Variants in SLC7A5 observed in about 807,000 individuals in gnomAD.
The protein encoded by SLC7A5 is solute carrier family 7 member 5.
A neutral mutation model predicts 50.2 loss-of-function variants in SLC7A5; 23 were observed. The observed-to-expected ratio is 0.46, with a 90% CI of 0.33 to 0.65. The LOEUF (loss-of-function observed/expected upper bound fraction) is 0.65. Among genes scored for constraint, SLC7A5 ranks in the 30% least tolerant of loss-of-function variants. SLC7A5 has a pLI of 0.02. For synonymous variants in SLC7A5, 393 were observed against 330.6 expected, an observed-to-expected ratio of 1.19 and a Z score of -2.05; for missense variants, 578 against 684.4, an observed-to-expected ratio of 0.84 and a Z score of 1.73.
At chr16:87,842,482 C>A (rs1894805334) in intron 2 of SLC7A5, among the ~76,000 whole-genome samples, 1 of 152,238 alleles carries the variant, frequency 6.6e-6, no homozygotes, top group Admixed American at 6.5e-5. Context: ...AAAGTGCGCA[C>A]TTCAAAGGTG....
intron 1 of SLC7A5, among the ~76,000 whole-genome samples, chr16:87,867,571 A>G (rs1310820129): frequency 1.6e-5 from 2 of 127,110 alleles, no homozygotes; most frequent in Admixed American, 8.1e-5. Context: ...CCTCCCCCCC[A>G]AAGTACGGTG....
chr16:87,848,166 A>G (rs972675374), intron 2 of SLC7A5, among the ~76,000 whole-genome samples: 1 of 152,248 alleles, frequency 6.6e-6, no homozygotes, highest in Non-Finnish European at 1.5e-5. Context: ...CTGACCTCCA[A>G]CAGTACAATG....
rs2054943072 is a variant in SLC7A5 at position 87,832,178 on chromosome 16, C to T, written c.*792G>A. On this transcript the variant is annotated 3_prime_UTR_variant, in exon 10 of 10. Transcript: ENST00000261622. The surrounding 1 kb of genome is among the most constrained non-coding windows in gnomAD (Gnocchi z 4.6). Reference sequence around the variant, plus strand: ...AAGGACAGGGCTTTGTCTGCATGAACCAGAACTCAGCCTCCAAAACTGGAC... The same window carrying T: ...AAGGACAGGGCTTTGTCTGCATGAATCAGAACTCAGCCTCCAAAACTGGAC... 6.6e-6 allele frequency: 1 copy of T among 152,262 alleles called. No individual in the cohort carries two copies. The highest frequency in any genetic ancestry group is 2.4e-5 in the African/African-American group (1 of 41,450). The allele number at this position is 152,262 out of a possible 1,614,324, so 9.4% of individuals were successfully genotyped here.
intron 1 of SLC7A5, among the ~76,000 whole-genome samples, chr16:87,865,595 T>C (rs2055450040): frequency 6.6e-6 from 1 of 152,076 alleles, no homozygotes; most frequent in Non-Finnish European, 1.5e-5. Context: ...TAGTCCCAGC[T>C]ACTCGGGAGG....
intron 8 of SLC7A5, among the ~76,000 whole-genome samples, chr16:87,835,763 C>T (rs186229237): frequency 5.9e-4 from 90 of 152,262 alleles, no homozygotes; most frequent in South Asian, 5.6e-3. Context: ...CGTGAGCCAC[C>T]GCGCCCAGCC....
At chr16:87,855,718 G>C (rs2055308899) in intron 1 of SLC7A5, among the ~76,000 whole-genome samples, 1 of 151,842 alleles carries the variant, frequency 6.6e-6, no homozygotes. Flanking sequence ...TCCAGTGTTG[G>C]AGGAGAGGGG....
Position 87,841,276 on chromosome 16 carries a change from T to C in SLC7A5, c.665-121A>G, listed in dbSNP as rs2055080279. ...AACAAAAATGCTGGAGTGAAGGCTT[T>C]TCACTGTGACAAATGGTATGTACCT... On this transcript the variant is annotated intron_variant, in intron 2 of 9. Coordinates refer to ENST00000261622, the MANE Select transcript of SLC7A5 (RefSeq NM_003486.7). The surrounding 1 kb of genome is among the most constrained non-coding windows in gnomAD (Gnocchi z 4.8). 2 of 714,248 alleles carry C rather than the reference T, an allele frequency of 2.8e-6. No homozygotes were observed. Among genetic ancestry groups the C allele is most frequent in the Admixed American group, 4.0e-5 (2 of 49,604 alleles). The allele number at this position is 714,248 out of a possible 1,614,324, so 44.2% of individuals were successfully genotyped here. A position where few individuals can be genotyped will look rare whatever the true frequency, so the allele number is the denominator to read the frequency against.
At chr16:87,835,735 A>T (rs548936674) in intron 8 of SLC7A5, among the ~76,000 whole-genome samples, 84 of 152,092 alleles carry the variant, frequency 5.5e-4, no homozygotes, top group Non-Finnish European at 1.1e-3. Flanking sequence ...CGGCCTCCCA[A>T]AGTGCTGGGA....
chr16:87,834,645 C>G (rs2054974997), intron 8 of SLC7A5, 54 bp from the exon 9 acceptor site: 1 of 1,548,182 alleles, frequency 6.5e-7, no homozygotes, highest in South Asian at 1.2e-5. Context: ...CCTCCCTCCC[C>G]CATGCCCCGA....
In SLC7A5 at chr16:87,831,060, C is replaced by T. The variant is rs143140219; in HGVS notation, c.*1910G>A. ...ATGTCCACTGCCTCCTGGATTCACA[C>T]AGCAATGCACCAGGCAGGTGGGGCA... On this transcript the variant is annotated 3_prime_UTR_variant, in exon 10 of 10. Coordinates refer to ENST00000261622, the MANE Select transcript of SLC7A5 (RefSeq NM_003486.7). 3.8e-3 allele frequency: 575 copies of T among 152,336 alleles called. 12 individuals carry two copies. Among genetic ancestry groups the T allele is most frequent in the East Asian group, 1.5e-3 (8 of 5,172 alleles). 9.4% of individuals were successfully genotyped at this position (152,336 alleles called of 1,614,324 possible). A position where few individuals can be genotyped will look rare whatever the true frequency, so the allele number is the denominator to read the frequency against.
rs1296236689 is a variant in SLC7A5, at chr16:87,860,065, G to A, written c.539-8216C>T. Among the ~76,000 whole-genome samples the A allele has an allele frequency of 6.6e-6, 1 of 152,006 alleles. No homozygotes were observed. Among genetic ancestry groups the A allele is most frequent in the Non-Finnish European group, 1.5e-5 (1 of 68,018 alleles). Reference sequence around the variant, plus strand: ...AGAAAATCTTTTGCCAGGCACGGTGGCTCACACCTGTAATCCCAGCACTTT... The same window carrying A: ...AGAAAATCTTTTGCCAGGCACGGTGACTCACACCTGTAATCCCAGCACTTT... On this transcript the variant is annotated intron_variant, in intron 1 of 9. Transcript: ENST00000261622. The surrounding 1 kb of genome is among the most constrained non-coding windows in gnomAD (Gnocchi z 4.8).
chr16:87,861,134 C>T lies in SLC7A5; in HGVS notation c.538+7751G>A, dbSNP rs1274481798. Among the ~76,000 whole-genome samples the T allele has an allele frequency of 6.6e-6, 1 of 152,208 alleles. No homozygotes were observed. The highest frequency in any genetic ancestry group is 1.5e-5 in the Non-Finnish European group (1 of 68,026). On this transcript the variant is annotated intron_variant, in intron 1 of 9. Transcript: ENST00000261622. The surrounding 1 kb of genome is among the most constrained non-coding windows in gnomAD (Gnocchi z 4.2). The stretch of plus-strand genomic sequence containing the variant: ...CATACACGTGTCCTGTCCCTGCAGA[C>T]GGGCCAGGCAAGGCCTGCCCATGGC...
chr16:87,857,199 G>A (rs2055332563), intron 1 of SLC7A5, among the ~76,000 whole-genome samples: 1 of 151,934 alleles, frequency 6.6e-6, no homozygotes, highest in African/African-American at 2.4e-5. Flanking sequence ...GCAGTTCCGG[G>A]GCAGGGAAGC....
Position 87,841,082 on chromosome 16 carries a change from T to A in SLC7A5, c.738A>T (p.Ala246=), listed in dbSNP as rs144403160. The change falls in exon 3 of 10, where the codon GCA becomes GCT. Residue 246 remains alanine (A), a synonymous_variant. Transcript: ENST00000261622. The surrounding 1 kb of genome is among the most constrained non-coding windows in gnomAD (Gnocchi z 4.8). ...TKLDVGNIVL[A]LYSGLFAYGG... is the part of the protein sequence containing the mutation. Reference sequence around the variant, plus strand: ...CATAGGCAAAGAGGCCGCTGTATAATGCCAGCACAATGTTCCCCACATCCA... The same window carrying A: ...CATAGGCAAAGAGGCCGCTGTATAAAGCCAGCACAATGTTCCCCACATCCA... 1.9e-6 allele frequency: 3 copies of A among 1,613,738 alleles called. No individual in the cohort carries two copies. The highest frequency in any genetic ancestry group is 2.5e-6 in the Non-Finnish European group (3 of 1,179,884).
chr16:87,863,986 A>ATATATATATATATATATATATATAT (rs2055429223), intron 1 of SLC7A5, among the ~76,000 whole-genome samples: 4 of 83,280 alleles, frequency 4.8e-5, no homozygotes, highest in Non-Finnish European at 1.0e-4. Context: ...ATCATTTAAA[A>ATATATATATATATATATATATATAT]ATATATATAT....
In SLC7A5 at chr16:87,833,089, G is replaced by T; in HGVS notation, c.1469-64C>A. 4 of 1,413,556 alleles carry T rather than the reference G, an allele frequency of 2.8e-6. No individual in the cohort carries two copies. Among genetic ancestry groups the T allele is most frequent in the Non-Finnish European group, 4.0e-6 (4 of 998,394 alleles). 87.6% of individuals were successfully genotyped at this position (1,413,556 alleles called of 1,614,324 possible). A position where few individuals can be genotyped will look rare whatever the true frequency, so the allele number is the denominator to read the frequency against. On this transcript the variant is annotated intron_variant, in intron 9 of 9. Transcript: ENST00000261622. This position sits in a 1 kb window ranked among gnomAD's most constrained non-coding sequence, Gnocchi z 6.0. ...GGGTAGGCACCCGTGGGACACGGGG[G>T]CGTGAGCTGGGGCTCCCCCAGCCCT... is the stretch of plus-strand genomic sequence containing the variant.
At position 87,841,986 on chromosome 16, in the gene SLC7A5, G is replaced by A. The variant is rs1288564555; in HGVS notation, c.665-831C>T. Among the ~76,000 whole-genome samples the A allele has an allele frequency of 1.3e-5, 2 of 152,228 alleles. No individual in the cohort carries two copies. Among genetic ancestry groups the A allele is most frequent in the Non-Finnish European group, 2.9e-5 (2 of 68,040 alleles). On this transcript the variant is annotated intron_variant, in intron 2 of 9. Coordinates refer to ENST00000261622, the MANE Select transcript of SLC7A5 (RefSeq NM_003486.7). The surrounding 1 kb of genome is among the most constrained non-coding windows in gnomAD (Gnocchi z 4.8). ...GTCACGTGGCTGCTGGGACAGCACT[G>A]GCCCTTTCTGTGGCTGTTGCCTCCT...
chr16:87,838,688 C>T lies in SLC7A5; in HGVS notation c.1043+26G>A, dbSNP rs987497335. The stretch of plus-strand genomic sequence containing the variant: ...GGCCATGAGGCCTGGGCCTCCCTCA[C>T]CTGTGGTGGGTCGGGCTGTGCTCAC... On this transcript the variant is annotated intron_variant, in intron 6 of 9. Transcript: ENST00000261622. The T allele has an allele frequency of 3.8e-6, 6 of 1,572,720 alleles. No individual in the cohort carries two copies. The African/African-American group carries it at 6.8e-5, about 18-fold the overall frequency.
intron 1 of SLC7A5, among the ~76,000 whole-genome samples, chr16:87,858,860 C>G: frequency 6.6e-6 from 1 of 152,242 alleles, no homozygotes; most frequent in South Asian, 2.1e-4. Flanking sequence ...CAGGAGGATG[C>G]AGCTGTTCCA....
Sources: gnomAD v4.1 joint callset for allele counts (sites outside exome capture counted in the v4.1 genomes callset) on GRCh38, gnomAD v4.1.1 for gene constraint, Gnocchi (gnomAD v3.1) non-coding constraint, MANE v1.5 for transcripts, NCBI Gene and HGNC (gene_info 2026-07-23, HGNC 2026-07-21) for gene names.